Variants in ZFHX3 observed in about 807,000 individuals in gnomAD.
ZFHX3 encodes zinc finger homeobox 3, also known as zinc finger homeobox protein 3.
In ZFHX3, 42 loss-of-function variants were observed where a neutral mutation model predicts 279.1. The ratio of observed to expected loss-of-function variants is 0.15; its 90% CI spans 0.12 to 0.19. The LOEUF (loss-of-function observed/expected upper bound fraction) is 0.19. ZFHX3 is among the 10% of genes least tolerant of loss of function. The pLI is 1.00. For synonymous variants in ZFHX3, 2,293 were observed against 1,957.8 expected (o/e 1.17, Z -4.52); for missense variants, 4,981 against 4,754.0 (o/e 1.05, Z -1.40).
chr16:72,908,689 G>A (rs2039247289), intron 3 of ZFHX3, among the ~76,000 whole-genome samples: 2 of 152,270 alleles, frequency 1.3e-5, no homozygotes, highest in African/African-American at 4.8e-5. Context: ...TTGCCATTGG[G>A]CTTTGTTATT....
At position 73,563,431 on chromosome 16, in the gene ZFHX3, G is replaced by A. The variant is rs567996359; in HGVS notation, c.-1546-107173C>T. Among the ~76,000 whole-genome samples, 16 of 152,018 alleles carry A rather than the reference G, an allele frequency of 1.1e-4. No homozygotes were observed. In the East Asian group the frequency reaches 2.5e-3, roughly 24 times the overall value. ...GCCACCATGCCCGGCTAATTTTTATGTATTTTTAGCAGAGACGGGGTTTCA... is the reference window on the plus strand; with the variant it reads ...GCCACCATGCCCGGCTAATTTTTATATATTTTTAGCAGAGACGGGGTTTCA... On this transcript the variant is annotated intron_variant, in intron 2 of 17. Coordinates refer to the ZFHX3 transcript ENST00000641206.
chr16:73,651,972 T>G (rs1246320495), intron 2 of ZFHX3, among the ~76,000 whole-genome samples: 2 of 152,044 alleles, frequency 1.3e-5, no homozygotes, highest in African/African-American at 2.4e-5. Flanking sequence ...CTTAAAAAAT[T>G]AGAATTCCAT....
chr16:73,136,646 A>C (rs1286901339), intron 6 of ZFHX3, among the ~76,000 whole-genome samples: 5 of 145,852 alleles, frequency 3.4e-5, no homozygotes, highest in Non-Finnish European at 7.5e-5. Flanking sequence ...GATCACTTGA[A>C]CCCAGGAGGC....
rs141205266 is a variant in ZFHX3 at position 73,246,507 on chromosome 16, G to C, written c.-1104+10540C>G. Among the ~76,000 whole-genome samples the C allele has an allele frequency of 3.3e-3, 503 of 152,266 alleles. 1 individual carries two copies. The highest frequency in any genetic ancestry group is 0.011 in the African/African-American group (442 of 41,548). On this transcript the variant is annotated intron_variant, in intron 5 of 17. Transcript: ENST00000641206. ...CCAGCCATCGAACCCCGAGGTGCTG[G>C]GTGGGCCAGGCTTTTGGAAGCTGTC...
chr16:72,925,012 C>G (rs554628885), intron 3 of ZFHX3, among the ~76,000 whole-genome samples: 1 of 152,176 alleles, frequency 6.6e-6, no homozygotes, highest in Non-Finnish European at 1.5e-5. Flanking sequence ...CAGGCAGTCA[C>G]GGGGGTGGTT....
intron 1 of ZFHX3, chr16:72,973,914 A>G (rs907539971): frequency 6.6e-6 from 1 of 152,170 alleles, no homozygotes; most frequent in Non-Finnish European, 1.5e-5. Flanking sequence ...ATCAGGTATG[A>G]ACTACATGCA....
chr16:73,462,699 T>C (rs2018493497), intron 2 of ZFHX3, among the ~76,000 whole-genome samples: 1 of 152,206 alleles, frequency 6.6e-6, no homozygotes, highest in Non-Finnish European at 1.5e-5. Context: ...TTTAGCCTGT[T>C]AATATGGTGG....
At chr16:73,584,912 G>C (rs2051907825) in intron 2 of ZFHX3, among the ~76,000 whole-genome samples, 1 of 152,126 alleles carries the variant, frequency 6.6e-6, no homozygotes, top group African/African-American at 2.4e-5. Context: ...CCATTAAAAA[G>C]TTGGCAAAGG....
intron 4 of ZFHX3, among the ~76,000 whole-genome samples, chr16:72,854,858 C>T (rs1472132589): frequency 2.2e-5 from 3 of 135,662 alleles, no homozygotes; most frequent in South Asian, 4.6e-4. Flanking sequence ...ACTCCCAATG[C>T]GGCTGGCATA....
intron 7 of ZFHX3, among the ~76,000 whole-genome samples, chr16:73,122,292 A>G (rs1966508708): frequency 6.6e-6 from 1 of 151,692 alleles, no homozygotes; most frequent in African/African-American, 2.4e-5. Context: ...TGCAACCTCC[A>G]CTTCCCGGGT....
intron 4 of ZFHX3, among the ~76,000 whole-genome samples, chr16:72,852,198 A>AT (rs1424189057): frequency 1.8e-4 from 28 of 152,212 alleles, no homozygotes; most frequent in African/African-American, 5.5e-4. Flanking sequence ...TTTTGTTCTA[A>AT]TTTTTTAACT....
In ZFHX3 at chr16:73,850,581, G is replaced by A. The variant is rs957650535; in HGVS notation, c.-1608+41070C>T. 2.6e-5 allele frequency among the ~76,000 whole-genome samples: 4 copies of A among 152,190 alleles called. No individual in the cohort carries two copies. The East Asian group carries it at 7.7e-4, about 29-fold the overall frequency. ...AGTAAGTTAGAATGTGCTTTCAGGT[G>A]AAGTCTCCTTTCATTCCCATCCCAG... is the stretch of plus-strand genomic sequence containing the variant. On this transcript the variant is annotated intron_variant, in intron 1 of 17. Transcript: ENST00000641206.
At chr16:73,587,024 A>C (rs1043066718) in intron 2 of ZFHX3, among the ~76,000 whole-genome samples, 15 of 152,212 alleles carry the variant, frequency 9.9e-5, no homozygotes, top group African/African-American at 3.6e-4. Context: ...AAACACACAC[A>C]AGACCACTGA....
chr16:72,905,708 C>T (rs1437270856), intron 3 of ZFHX3, among the ~76,000 whole-genome samples: 2 of 152,174 alleles, frequency 1.3e-5, no homozygotes, highest in Middle Eastern at 3.2e-3. Flanking sequence ...AAAATGTCCA[C>T]CCAAGCCAAC....
chr16:73,730,380 A>AAAGAAAG (rs1306648811), intron 1 of ZFHX3, among the ~76,000 whole-genome samples: 1 of 120,354 alleles, frequency 8.3e-6, no homozygotes. Flanking sequence ...AAAAAAGAAA[A>AAAGAAAG]AGAGAGAGAA....
intron 6 of ZFHX3, chr16:73,134,405 G>A (rs763928648): frequency 4.7e-5 from 6 of 128,282 alleles, no homozygotes; most frequent in African/African-American, 9.3e-5. Flanking sequence ...ATGCAGTGGC[G>A]TTATCACGGC....
At chr16:73,424,326 C>G (rs2017771217) in intron 3 of ZFHX3, among the ~76,000 whole-genome samples, 2 of 152,118 alleles carry the variant, frequency 1.3e-5, no homozygotes, top group African/African-American at 4.8e-5. Context: ...TGCAAGGTGC[C>G]CAACTCAGTG....
chr16:73,179,780 G>A (rs956361254), intron 5 of ZFHX3, among the ~76,000 whole-genome samples: 1 of 152,166 alleles, frequency 6.6e-6, no homozygotes. Context: ...ATCAGTCTGT[G>A]GTTTGTCTGC....
intron 1 of ZFHX3, among the ~76,000 whole-genome samples, chr16:73,802,882 A>G (rs1238099527): frequency 6.6e-6 from 1 of 152,206 alleles, no homozygotes; most frequent in Non-Finnish European, 1.5e-5. Flanking sequence ...CAATGGCACA[A>G]TCTCGACTCA....
Sources: allele counts gnomAD v4.1 joint callset (sites outside exome capture counted in the v4.1 genomes callset), GRCh38; gene constraint gnomAD v4.1.1; transcripts MANE v1.5; gene names NCBI Gene and HGNC (gene_info 2026-07-23, HGNC 2026-07-21).